The following RMDN2 variants were observed in gnomAD, a reference collection of about 807,000 sequenced individuals.
The protein encoded by RMDN2 is regulator of microtubule dynamics 2.
In RMDN2, 61 loss-of-function variants were observed where a neutral mutation model predicts 52.8. The ratio of observed to expected loss-of-function variants is 1.16; its 90% CI spans 0.94 to 1.43. The LOEUF is 1.43. Ranked by LOEUF, RMDN2 falls within the 40% of genes most tolerant of loss-of-function variation. The pLI, the probability that RMDN2 is intolerant of heterozygous loss-of-function variation, is 0.00. For missense variants in RMDN2, 592 were observed against 475.3 expected (o/e 1.25, Z -2.28); for synonymous variants, 180 against 153.1 (o/e 1.18, Z -1.30).
intron 10 of RMDN2, among the ~76,000 whole-genome samples, chr2:38,043,314 G>A (rs1340786062): frequency 6.6e-6 from 1 of 152,114 alleles, no homozygotes; most frequent in African/African-American, 2.4e-5. Flanking sequence ...TATAGCTACT[G>A]CAGCTTTTTT....
chr2:38,028,955 C>G (rs567851706), intron 10 of RMDN2, among the ~76,000 whole-genome samples: 1 of 152,136 alleles, frequency 6.6e-6, no homozygotes, highest in Non-Finnish European at 1.5e-5. Context: ...CTCCCTCAAA[C>G]CACTTTCCTG....
chr2:37,989,669 GTATT>G (rs1426193817), intron 6 of RMDN2, 53 bp downstream of exon 6: 1 of 1,165,724 alleles, frequency 8.6e-7, no homozygotes, highest in Non-Finnish European at 1.3e-6. Flanking sequence ...ATATGGAAGG[GTATT>G]TATTAATAAT....
chr2:38,011,974 A>G (rs1274129909), intron 10 of RMDN2, among the ~76,000 whole-genome samples: 1 of 152,176 alleles, frequency 6.6e-6, no homozygotes, highest in Non-Finnish European at 1.5e-5. Flanking sequence ...GATTAAATGT[A>G]AACGTCAACA....
rs561212214 is a variant in RMDN2, at chr2:38,003,903, T to G, written c.1045-88T>G. 39 of 1,042,366 alleles carry G rather than the reference T, an allele frequency of 3.7e-5. No individual in the cohort carries two copies. The African/African-American group carries it at 5.1e-4, about 14-fold the overall frequency. 64.6% of individuals were successfully genotyped at this position (1,042,366 alleles called of 1,614,324 possible). ...TTAGGGCAGTTTGGTTCATAATATT[T>G]GATTTATTTAAATATATTCTCTTCA... is the stretch of plus-strand genomic sequence containing the variant. On this transcript the variant is annotated intron_variant, in intron 8 of 10. Transcript: ENST00000354545.
chr2:37,980,219 G>C (rs979857153), intron 4 of RMDN2, among the ~76,000 whole-genome samples: 2 of 152,110 alleles, frequency 1.3e-5, no homozygotes, highest in Non-Finnish European at 2.9e-5. Context: ...TTTTGAGAAA[G>C]ATTCTCAGAA....
At chr2:38,040,624 C>G (rs1680893698) in intron 10 of RMDN2, among the ~76,000 whole-genome samples, 1 of 152,126 alleles carries the variant, frequency 6.6e-6, no homozygotes, top group African/African-American at 2.4e-5. Context: ...TTGTAATAGC[C>G]AAACACACTA....
At chr2:37,956,428 C>CT (rs1158067582) in intron 2 of RMDN2, among the ~76,000 whole-genome samples, 1 of 151,868 alleles carries the variant, frequency 6.6e-6, no homozygotes, top group Non-Finnish European at 1.5e-5. Context: ...ATTTAGTCTC[C>CT]TTTTTTTGTA....
intron 2 of RMDN2, among the ~76,000 whole-genome samples, chr2:37,953,390 T>C (rs769506009): frequency 6.6e-6 from 1 of 152,018 alleles, no homozygotes; most frequent in Non-Finnish European, 1.5e-5. Context: ...CTCTACTTTA[T>C]GTCTATGATT....
rs902260468 is a variant in RMDN2, at chr2:38,007,691, A to G, written c.1179+3475A>G. On this transcript the variant is annotated intron_variant, in intron 10 of 10. Transcript: ENST00000354545. ...TCATTGATTTTTTGAAGGGTTTTTTATGTCTCTGTTTCCTTCAGTTCTGCT... is the reference window on the plus strand; with the variant it reads ...TCATTGATTTTTTGAAGGGTTTTTTGTGTCTCTGTTTCCTTCAGTTCTGCT... Among the ~76,000 whole-genome samples the G allele has an allele frequency of 2.6e-5, 4 of 151,920 alleles. No individual in the cohort carries two copies. The South Asian group carries it at 6.2e-4, about 24-fold the overall frequency.
At chr2:38,020,287 C>A (rs1017321219), downstream of RMDN2, among the ~76,000 whole-genome samples, 7 of 152,294 alleles carry the variant, frequency 4.6e-5, no homozygotes, top group East Asian at 7.7e-4. Flanking sequence ...ACTAGATGGT[C>A]CCATCTAGGG....
downstream of RMDN2, among the ~76,000 whole-genome samples, chr2:38,021,784 G>T (rs896918492): frequency 6.6e-6 from 1 of 152,164 alleles, no homozygotes; most frequent in Non-Finnish European, 1.5e-5. Context: ...GTGGTAATAT[G>T]AGCAGTGGGG....
intron 2 of RMDN2, among the ~76,000 whole-genome samples, chr2:37,955,960 C>G (rs1669402080): frequency 1.8e-5 from 1 of 55,646 alleles, no homozygotes; most frequent in Admixed American, 3.2e-4. Context: ...GCTGTTATTT[C>G]ATTCAGAATT....
chr2:37,957,994 A>G (rs1669700117), intron 2 of RMDN2, among the ~76,000 whole-genome samples: 1 of 151,930 alleles, frequency 6.6e-6, no homozygotes, highest in Non-Finnish European at 1.5e-5. Flanking sequence ...GTTCTATTCC[A>G]TTGGTCTATA....
rs749518355 is a variant in RMDN2 at position 38,041,899 on chromosome 2, T to C, written c.1714-25083T>C. ...TATTTTATCATTTTCATAAAAGATA[T>C]TGGTTTGTTGTTTTTCTTTCTTGTG... On this transcript the variant is annotated intron_variant, in intron 10 of 10. Transcript: ENST00000234195. Among the ~76,000 whole-genome samples, 145 of 152,262 alleles carry C rather than the reference T, an allele frequency of 9.5e-4. 1 individual carries two copies. The highest frequency in any genetic ancestry group is 6.8e-3 in the Middle Eastern group (2 of 294).
chr2:38,039,801 T>C (rs1680841372), intron 10 of RMDN2, among the ~76,000 whole-genome samples: 1 of 152,138 alleles, frequency 6.6e-6, no homozygotes, highest in African/African-American at 2.4e-5. Flanking sequence ...TGACCCAGGA[T>C]GTCAAGAATC....
intron 2 of RMDN2, among the ~76,000 whole-genome samples, chr2:37,934,315 GTC>G (rs1423304794): frequency 6.6e-6 from 1 of 152,180 alleles, no homozygotes; most frequent in Admixed American, 6.5e-5. Flanking sequence ...CTTGTATTCT[GTC>G]TCTTAGTACA....
intron 1 of RMDN2, 31 bp from the exon 2 acceptor site, chr2:37,929,231 C>A: frequency 7.9e-7 from 1 of 1,258,416 alleles, no homozygotes; most frequent in Non-Finnish European, 1.1e-6. Flanking sequence ...ACATAAACAA[C>A]ATTCATTTAC....
intron 10 of RMDN2, among the ~76,000 whole-genome samples, chr2:38,064,963 C>G (rs1682208509): frequency 6.6e-6 from 1 of 152,166 alleles, no homozygotes; most frequent in Non-Finnish European, 1.5e-5. Flanking sequence ...AACGCACTCA[C>G]TTGCTGACCC....
intron 1 of RMDN2, among the ~76,000 whole-genome samples, chr2:37,925,652 G>A (rs1185865904): frequency 6.6e-6 from 1 of 152,236 alleles, no homozygotes. Flanking sequence ...CCTGCGCCAC[G>A]GAAGCCCTAG....
Sources: gnomAD v4.1 joint callset for allele counts (sites outside exome capture counted in the v4.1 genomes callset) on GRCh38, gnomAD v4.1.1 for gene constraint, MANE v1.5 for transcripts, NCBI Gene and HGNC (gene_info 2026-07-23, HGNC 2026-07-21) for gene names.